Variants in LINGO1 observed in about 807,000 individuals in gnomAD.
LINGO1 encodes leucine-rich repeat and immunoglobulin-like domain-containing nogo receptor-interacting protein 1.
LINGO1 carries 11 observed loss-of-function variants against 37.3 expected under a neutral mutation model. That is an observed-to-expected ratio of 0.29 (90% CI 0.19 to 0.49). LINGO1 has a LOEUF of 0.49. Ranked by LOEUF, LINGO1 falls within the 20% of genes least tolerant of loss-of-function variation. LINGO1 has a pLI of 0.99. For synonymous variants in LINGO1, 387 were observed against 403.0 expected (o/e 0.96, Z 0.48); for missense variants, 585 against 878.2 (o/e 0.67, Z 4.22).
intron 1 of LINGO1, among the ~76,000 whole-genome samples, chr15:77,622,906 T>A (rs982038210): frequency 1.3e-5 from 2 of 152,190 alleles, no homozygotes; most frequent in African/African-American, 4.8e-5. Flanking sequence ...GCGGGTCCCC[T>A]CTGGATCTCC....
intron 3 of LINGO1, among the ~76,000 whole-genome samples, chr15:77,664,174 C>CGCGCGCGCGCGCGCGCGCGCGT (rs1555527601): frequency 1.0e-5 from 1 of 100,380 alleles, no homozygotes; most frequent in African/African-American, 3.7e-5. Context: ...TGTGTGTGCG[C>CGCGCGCGCGCGCGCGCGCGCGT]GCGCGCATGC....
At chr15:77,695,207 C>T (rs1483892916) in intron 1 of LINGO1, among the ~76,000 whole-genome samples, 6 of 152,142 alleles carry the variant, frequency 3.9e-5, no homozygotes, top group Admixed American at 6.5e-5. Flanking sequence ...TTCCAAAGGT[C>T]CGGTGCTGTC....
intron 1 of LINGO1, among the ~76,000 whole-genome samples, chr15:77,743,824 T>A (rs55731810): frequency 6.9e-6 from 1 of 144,782 alleles, no homozygotes; most frequent in African/African-American, 2.7e-5. Flanking sequence ...ACTGCGGGGG[T>A]GGGGGAGTCC....
In LINGO1 at chr15:77,632,518, CG is replaced by C. The variant is rs2074289649; in HGVS notation, c.-204del. 2.7e-6 allele frequency: 1 copy of C among 364,646 alleles called. No homozygotes were observed. Among genetic ancestry groups the C allele is most frequent in the Admixed American group, 5.1e-5 (1 of 19,536 alleles). The allele number at this position is 364,646 out of a possible 1,614,324, so 22.6% of individuals were successfully genotyped here. ...GCGGGAGCCGAGCCGGAGCCGGGGC[CG>C]GGGCTCGGGAGTGGGGAGGCGGGAG... On this transcript the variant is annotated 5_prime_UTR_variant, in exon 1 of 2. Coordinates refer to ENST00000355300, the MANE Select transcript of LINGO1 (RefSeq NM_032808.7). The surrounding 1 kb of genome is among the most constrained non-coding windows in gnomAD (Gnocchi z 6.0).
chr15:77,756,769 AAT>A (rs2076423881), intron 1 of LINGO1, among the ~76,000 whole-genome samples: 1 of 152,114 alleles, frequency 6.6e-6, no homozygotes, highest in African/African-American at 2.4e-5. Flanking sequence ...TGCTCAGGGG[AAT>A]GACCCTGAAC....
At chr15:77,651,832 G>A (rs2141140392) in intron 3 of LINGO1, 1 of 152,324 alleles carries the variant, frequency 6.6e-6, no homozygotes, top group Middle Eastern at 3.4e-3. Flanking sequence ...CTTGTTTCAA[G>A]GGAAAAGGGC....
At chr15:77,773,194 G>A (rs2076603076) in intron 1 of LINGO1, among the ~76,000 whole-genome samples, 1 of 152,222 alleles carries the variant, frequency 6.6e-6, no homozygotes, top group Non-Finnish European at 1.5e-5. Flanking sequence ...CCACATCTGA[G>A]CAATGGGAGG....
At chr15:77,620,976 A>C (rs11856998) in intron 1 of LINGO1, among the ~76,000 whole-genome samples, 25,849 of 152,046 alleles carry the variant, frequency 0.17, 4,487 homozygotes, top group African/African-American at 0.44. Context: ...CATCCTCTAC[A>C]GGCTCATCCA....
chr15:77,708,655 A>G (rs551302601), intron 2 of LINGO1, among the ~76,000 whole-genome samples: 1 of 152,342 alleles, frequency 6.6e-6, no homozygotes, highest in South Asian at 2.1e-4. Context: ...CTGTAATCCC[A>G]GCACTTTGGG....
chr15:77,673,736 T>C (rs1285888512), intron 3 of LINGO1, among the ~76,000 whole-genome samples: 1 of 152,100 alleles, frequency 6.6e-6, no homozygotes, highest in Non-Finnish European at 1.5e-5. Flanking sequence ...CAAATTTGTA[T>C]CTCTAGCCCA....
chr15:77,660,865 C>T (rs1451182264), intron 3 of LINGO1, among the ~76,000 whole-genome samples: 5 of 152,116 alleles, frequency 3.3e-5, no homozygotes, highest in Admixed American at 2.6e-4. Context: ...CTTCCCAAGA[C>T]AGGCGGGAGG....
chr15:77,776,797 AC>A (rs979103887), intron 1 of LINGO1, among the ~76,000 whole-genome samples: 2 of 152,206 alleles, frequency 1.3e-5, no homozygotes, highest in African/African-American at 2.4e-5. Context: ...AAGAGCTGAC[AC>A]ATTCTAAGCA....
chr15:77,620,367 T>TG (rs1166037818), intron 1 of LINGO1, among the ~76,000 whole-genome samples: 1 of 152,138 alleles, frequency 6.6e-6, no homozygotes, highest in Non-Finnish European at 1.5e-5. Context: ...GCTCAGGCAG[T>TG]GGGGGACACT....
In LINGO1 at chr15:77,776,076, T is replaced by C. The variant is rs1299919790; in HGVS notation, c.-257+10793A>G. Among the ~76,000 whole-genome samples the C allele has an allele frequency of 4.6e-5, 7 of 152,196 alleles. No homozygotes were observed. The South Asian group carries it at 1.5e-3, about 32-fold the overall frequency. On this transcript the variant is annotated intron_variant, in intron 1 of 3. Coordinates refer to the LINGO1 transcript ENST00000561686. ...CCTGTGGCCGCCACCACCACGGCTG[T>C]TTCCAGGGAGACAGTCTCCGTTTAT... is the stretch of plus-strand genomic sequence containing the variant.
intron 3 of LINGO1, among the ~76,000 whole-genome samples, chr15:77,669,783 C>T (rs2075215019): frequency 6.6e-6 from 1 of 152,220 alleles, no homozygotes; most frequent in Non-Finnish European, 1.5e-5. Context: ...GTGGGCAGAA[C>T]TCACAAACTG....
intron 1 of LINGO1, among the ~76,000 whole-genome samples, chr15:77,735,315 AC>A (rs1247194789): frequency 4.6e-5 from 7 of 152,330 alleles, no homozygotes; most frequent in Non-Finnish European, 7.3e-5. Context: ...AGGCACCCGC[AC>A]AGCCCCGGAG....
chr15:77,689,492 T>G (rs2075566728), intron 2 of LINGO1, among the ~76,000 whole-genome samples: 1 of 152,188 alleles, frequency 6.6e-6, no homozygotes, highest in Non-Finnish European at 1.5e-5. Context: ...TCTAGAGAAC[T>G]GCCCTCCACA....
intron 1 of LINGO1, among the ~76,000 whole-genome samples, chr15:77,757,567 C>T (rs200416556): frequency 3.3e-5 from 5 of 152,324 alleles, no homozygotes; most frequent in East Asian, 3.9e-4. Flanking sequence ...ATTAATACCA[C>T]GTAGATGTCA....
intron 3 of LINGO1, among the ~76,000 whole-genome samples, chr15:77,673,071 G>GA (rs1049620810): frequency 3.6e-4 from 55 of 152,184 alleles, no homozygotes; most frequent in African/African-American, 1.3e-3. Context: ...AGTCATTTGG[G>GA]AAAAAACCAC....
Sources: allele counts gnomAD v4.1 joint callset (sites outside exome capture counted in the v4.1 genomes callset), GRCh38; gene constraint gnomAD v4.1.1; non-coding constraint Gnocchi (gnomAD v3.1); transcripts MANE v1.5; gene names NCBI Gene and HGNC (gene_info 2026-07-23, HGNC 2026-07-21).